The following FRMPD4 variants were observed in gnomAD, a reference collection of about 807,000 sequenced individuals.
FRMPD4 encodes the protein FERM and PDZ domain containing 4, also known as FERM and PDZ domain-containing protein 4.
In FRMPD4, 22 loss-of-function variants were observed where a neutral mutation model predicts 94.1. The observed-to-expected ratio is 0.23, with a 90% confidence interval of 0.17 to 0.33. The LOEUF (loss-of-function observed/expected upper bound fraction) is 0.33. FRMPD4 is among the 10% of genes least tolerant of loss of function. The pLI, the probability that FRMPD4 is intolerant of heterozygous loss-of-function variation, is 1.00. For synonymous variants in FRMPD4, 631 were observed against 548.6 expected, an observed-to-expected ratio of 1.15 and a Z score of -2.10; for missense variants, 1,111 against 1,339.9, an observed-to-expected ratio of 0.83 and a Z score of 2.67.
At chrX:12,608,674 A>G (rs1204662366) in intron 2 of FRMPD4, among the ~76,000 whole-genome samples, 2 of 112,607 alleles carry the variant, frequency 1.8e-5, no homozygotes, top group African/African-American at 6.5e-5. Context: ...CATATCAGTT[A>G]TAACTTAACA....
intron 3 of FRMPD4, among the ~76,000 whole-genome samples, chrX:12,059,052 T>A (rs2054870689): frequency 8.9e-6 from 1 of 112,161 alleles, no homozygotes; most frequent in Non-Finnish European, 1.9e-5. Context: ...TTTTAAACAA[T>A]TGTATTATTC....
At chrX:11,985,666 C>T (rs992273228) in intron 3 of FRMPD4, among the ~76,000 whole-genome samples, 3 of 111,945 alleles carry the variant, frequency 2.7e-5, no homozygotes, top group African/African-American at 9.7e-5. Context: ...ATCCCACTGC[C>T]CTGAAGGGTG....
At chrX:12,089,175 A>G (rs1007095856) in intron 3 of FRMPD4, among the ~76,000 whole-genome samples, 3 of 112,403 alleles carry the variant, frequency 2.7e-5, no homozygotes, top group African/African-American at 9.7e-5. Context: ...TTAAAAGAAT[A>G]TAGATGTTTC....
At chrX:12,113,875 T>C (rs892711208) in intron 3 of FRMPD4, among the ~76,000 whole-genome samples, 1 of 111,817 alleles carries the variant, frequency 8.9e-6, no homozygotes, top group Admixed American at 9.5e-5. Context: ...TACAATGAGA[T>C]ATTGGGGCAA....
chrX:12,232,850 C>T (rs2147780801), intron 1 of FRMPD4, among the ~76,000 whole-genome samples: 1 of 111,937 alleles, frequency 8.9e-6, no homozygotes, highest in South Asian at 3.8e-4. Context: ...AGGGAGCTAA[C>T]AGTATAGTAG....
At chrX:12,620,458 A>C (rs1414318962) in intron 4 of FRMPD4, among the ~76,000 whole-genome samples, 1 of 112,083 alleles carries the variant, frequency 8.9e-6, no homozygotes, top group African/African-American at 3.2e-5. Context: ...AAACCTACCC[A>C]ATGGTCCAGC....
chrX:12,523,027 G>T (rs1569314011), intron 2 of FRMPD4, among the ~76,000 whole-genome samples: 1 of 112,391 alleles, frequency 8.9e-6, no homozygotes, highest in Admixed American at 9.4e-5. Context: ...GCTCCATAAT[G>T]CTTTTGCTGT....
At chrX:12,226,931 C>T (rs990372558) in intron 1 of FRMPD4, among the ~76,000 whole-genome samples, 1 of 110,222 alleles carries the variant, frequency 9.1e-6, no homozygotes, top group South Asian at 3.9e-4. Context: ...AAAATTGGTC[C>T]AGAACAAAGT....
intron 3 of FRMPD4, among the ~76,000 whole-genome samples, chrX:11,907,131 A>G (rs1218396300): frequency 9.0e-6 from 1 of 110,912 alleles, no homozygotes; most frequent in Non-Finnish European, 1.9e-5. Flanking sequence ...TTATATTGTT[A>G]TATTGATATT....
chrX:12,329,879 A>G (rs2055345937), intron 1 of FRMPD4, among the ~76,000 whole-genome samples: 1 of 108,834 alleles, frequency 9.2e-6, no homozygotes, highest in Admixed American at 9.9e-5. Context: ...AAAAAACAAC[A>G]ACAACAACTT....
intron 3 of FRMPD4, among the ~76,000 whole-genome samples, chrX:11,960,442 T>C (rs151103430): frequency 0.014 from 1,597 of 112,128 alleles, 9 homozygotes; most frequent in Middle Eastern, 0.023. Flanking sequence ...GCATCAGAGA[T>C]ACATATCAGG....
chrX:12,435,373 T>TGTATATTCAGTATATGCTGTATATACA (rs1286149347), intron 1 of FRMPD4, among the ~76,000 whole-genome samples: 7 of 112,071 alleles, frequency 6.2e-5, no homozygotes, highest in Admixed American at 2.8e-4. Context: ...CAATATATAC[T>TGTATATTCAGTATATGCTGTATATACA]GTATATTCAG....
At chrX:11,887,997 C>A (rs753054842) in intron 3 of FRMPD4, among the ~76,000 whole-genome samples, 1 of 112,324 alleles carries the variant, frequency 8.9e-6, no homozygotes, top group African/African-American at 3.2e-5. Context: ...TTTGTAAGTG[C>A]AGAATTTTCT....
chrX:12,696,179 T>C (rs2147128201), intron 9 of FRMPD4, among the ~76,000 whole-genome samples: 1 of 112,774 alleles, frequency 8.9e-6, no homozygotes, highest in South Asian at 3.7e-4. Flanking sequence ...TGTTCATTCA[T>C]TTGATGCTTA....
In FRMPD4 at chrX:12,537,066, C is replaced by T. The variant is rs186736050; in HGVS notation, c.158+38270C>T. 2.1e-3 allele frequency among the ~76,000 whole-genome samples: 236 copies of T among 111,207 alleles called. 1 individual carries two copies. Among genetic ancestry groups the T allele is most frequent in the African/African-American group, 7.2e-3 (221 of 30,604 alleles). On this transcript the variant is annotated intron_variant, in intron 2 of 16. Transcript: ENST00000675598. ...CTCCTATTCCTGGCCCATATATTCA[C>T]GCTACTAAGAAATAATTTTAATAAA...
intron 1 of FRMPD4, among the ~76,000 whole-genome samples, chrX:12,396,325 G>C (rs1035726451): frequency 1.1e-5 from 1 of 94,900 alleles, no homozygotes; most frequent in African/African-American, 3.9e-5. Flanking sequence ...TGTAGGTTTG[G>C]AGATTTAAAA....
chrX:12,155,070 C>T (rs2055913525), intron 1 of FRMPD4, among the ~76,000 whole-genome samples: 1 of 111,991 alleles, frequency 8.9e-6, no homozygotes, highest in Non-Finnish European at 1.9e-5. Context: ...CATGGTCACA[C>T]CTAGCAAAGG....
chrX:11,995,161 C>A (rs2054490102), intron 3 of FRMPD4, among the ~76,000 whole-genome samples: 1 of 111,425 alleles, frequency 9.0e-6, no homozygotes, highest in Non-Finnish European at 1.9e-5. Flanking sequence ...TGCCAAATTA[C>A]AGTTCTTTAC....
chrX:11,993,712 A>G (rs1392851995), intron 3 of FRMPD4, among the ~76,000 whole-genome samples: 1 of 112,512 alleles, frequency 8.9e-6, no homozygotes, highest in African/African-American at 3.2e-5. Flanking sequence ...CTGCATCTTC[A>G]TGCTCTTTAA....
Sources: allele counts gnomAD v4.1 joint callset (sites outside exome capture counted in the v4.1 genomes callset), GRCh38; gene constraint gnomAD v4.1.1; transcripts MANE v1.5; gene names NCBI Gene and HGNC (gene_info 2026-07-23, HGNC 2026-07-21).